The following SDK1 variants were observed in gnomAD, a reference collection of about 807,000 sequenced individuals.
SDK1 encodes protein sidekick-1.
In SDK1, 157 loss-of-function variants were observed where a neutral mutation model predicts 245.5. The ratio of observed to expected loss-of-function variants is 0.64; its 90% CI spans 0.56 to 0.73. SDK1 has a LOEUF of 0.73. Among genes scored for constraint, SDK1 ranks in the 30% least tolerant of loss-of-function variants. The pLI, the probability that SDK1 is intolerant of heterozygous loss-of-function variation, is 0.00. For synonymous variants in SDK1, 1,647 were observed against 1,278.5 expected (o/e 1.29, Z -6.15); for missense variants, 3,583 against 3,002.3 (o/e 1.19, Z -4.52).
At chr7:4,194,094 CAGA>C (rs1783400916) in intron 35 of SDK1, among the ~76,000 whole-genome samples, 1 of 152,112 alleles carries the variant, frequency 6.6e-6, no homozygotes, top group Admixed American at 6.5e-5. Context: ...GCAAAACCAA[CAGA>C]AGAACTCCAT....
chr7:3,652,943 A>G (rs909743621), intron 4 of SDK1, among the ~76,000 whole-genome samples: 3 of 152,206 alleles, frequency 2.0e-5, no homozygotes, highest in Admixed American at 6.5e-5. Flanking sequence ...GCAGGAGTCT[A>G]TTGACTGGAA....
At chr7:3,307,772 T>G (rs565558089) in intron 1 of SDK1, among the ~76,000 whole-genome samples, 6 of 152,310 alleles carry the variant, frequency 3.9e-5, no homozygotes, top group African/African-American at 1.2e-4. Flanking sequence ...CTGTAACTAC[T>G]GTGCAATATG....
chr7:4,085,768 T>A (rs1781387118), intron 22 of SDK1, among the ~76,000 whole-genome samples: 1 of 152,146 alleles, frequency 6.6e-6, no homozygotes, highest in Non-Finnish European at 1.5e-5. Flanking sequence ...TTGGCCAGGC[T>A]GGTCTTGAAC....
intron 8 of SDK1, among the ~76,000 whole-genome samples, chr7:3,961,483 G>A (rs532138293): frequency 6.6e-6 from 1 of 152,322 alleles, no homozygotes; most frequent in African/African-American, 2.4e-5. Flanking sequence ...GTCAAGATAT[G>A]TTTTTTATTT....
chr7:3,801,073 A>G (rs1183637899), intron 4 of SDK1, among the ~76,000 whole-genome samples: 2 of 152,208 alleles, frequency 1.3e-5, no homozygotes, highest in African/African-American at 4.8e-5. Flanking sequence ...TATATTCCAA[A>G]GCACAGTTAA....
At chr7:4,106,892 C>G (rs1782960405) in intron 22 of SDK1, among the ~76,000 whole-genome samples, 1 of 151,766 alleles carries the variant, frequency 6.6e-6, no homozygotes, top group African/African-American at 2.4e-5. Context: ...CCTGAGTGCC[C>G]AGTGCCTGAA....
intron 17 of SDK1, among the ~76,000 whole-genome samples, chr7:4,019,413 G>A (rs1338765324): frequency 6.6e-6 from 1 of 152,192 alleles, no homozygotes; most frequent in Non-Finnish European, 1.5e-5. Flanking sequence ...GCGAGGGACT[G>A]TGCTTAGCTA....
At chr7:3,879,659 T>G (rs1781159207) in intron 5 of SDK1, among the ~76,000 whole-genome samples, 1 of 152,220 alleles carries the variant, frequency 6.6e-6, no homozygotes, top group South Asian at 2.1e-4. Context: ...TGTTGTTCAG[T>G]CAATAGCTTT....
chr7:3,569,798 C>G (rs1780050368), intron 1 of SDK1, among the ~76,000 whole-genome samples: 1 of 152,170 alleles, frequency 6.6e-6, no homozygotes, highest in South Asian at 2.1e-4. Flanking sequence ...CTTTTGTTAA[C>G]TTTCGGAGGA....
intron 5 of SDK1, among the ~76,000 whole-genome samples, chr7:3,940,220 G>A (rs916403416): frequency 1.3e-5 from 2 of 152,222 alleles, no homozygotes; most frequent in Non-Finnish European, 2.9e-5. Context: ...CCTGGCTGCA[G>A]AAACTGACCT....
chr7:3,427,470 G>C (rs1012501638), intron 1 of SDK1, among the ~76,000 whole-genome samples: 3 of 148,194 alleles, frequency 2.0e-5, no homozygotes, highest in African/African-American at 7.5e-5. Flanking sequence ...AGTGAGCTGA[G>C]ATTGTGCCAT....
intron 1 of SDK1, among the ~76,000 whole-genome samples, chr7:3,498,625 T>A (rs1371199839): frequency 6.6e-6 from 1 of 152,230 alleles, no homozygotes; most frequent in Non-Finnish European, 1.5e-5. Context: ...CTTCCTCTTG[T>A]TTTCCTCCAA....
At chr7:3,885,916 C>T (rs909490095) in intron 5 of SDK1, among the ~76,000 whole-genome samples, 2 of 152,160 alleles carry the variant, frequency 1.3e-5, no homozygotes, top group African/African-American at 4.8e-5. Flanking sequence ...TGCGAATTCT[C>T]CCACTTACTC....
chr7:3,863,677 A>G (rs1240507007), intron 5 of SDK1, among the ~76,000 whole-genome samples: 1 of 152,232 alleles, frequency 6.6e-6, no homozygotes, highest in Non-Finnish European at 1.5e-5. Flanking sequence ...TAGAAGCAGA[A>G]TGATACAGTA....
Position 3,345,066 on chromosome 7 carries a change from T to C in SDK1, c.298+43182T>C, listed in dbSNP as rs966643516. ...CATATTGCAAGAAGTTAAGCGTTTA[T>C]AGAAGTCTTTGAAGTCTTGTTGTAG... On this transcript the variant is annotated intron_variant, in intron 1 of 44. Transcript: ENST00000404826. Among the ~76,000 whole-genome samples, 4 of 152,230 alleles carry C rather than the reference T, an allele frequency of 2.6e-5. No individual in the cohort carries two copies. In the East Asian group the frequency reaches 5.8e-4, roughly 22 times the overall value.
At chr7:3,889,317 G>T (rs1781403916) in intron 5 of SDK1, among the ~76,000 whole-genome samples, 1 of 152,226 alleles carries the variant, frequency 6.6e-6, no homozygotes, top group African/African-American at 2.4e-5. Flanking sequence ...CATTCTCCCT[G>T]TCCTGGCCCC....
chr7:4,130,140 A>G, intron 27 of SDK1, 43 bp downstream of exon 27: 1 of 1,515,828 alleles, frequency 6.6e-7, no homozygotes, highest in Non-Finnish European at 8.9e-7. Context: ...GCTGCCTCCC[A>G]GGTTGGCCTT....
intron 1 of SDK1, among the ~76,000 whole-genome samples, chr7:3,363,931 T>A (rs1030161479): frequency 2.0e-5 from 3 of 152,250 alleles, no homozygotes; most frequent in African/African-American, 7.2e-5. Context: ...AATGTGTGAA[T>A]GTGATCCAGT....
intron 1 of SDK1, among the ~76,000 whole-genome samples, chr7:3,442,100 T>C (rs1433252423): frequency 6.6e-6 from 1 of 152,140 alleles, no homozygotes; most frequent in East Asian, 1.9e-4. Context: ...GAGATTATGA[T>C]AGATTTAAGC....
Sources: allele counts gnomAD v4.1 joint callset (sites outside exome capture counted in the v4.1 genomes callset), GRCh38; gene constraint gnomAD v4.1.1; transcripts MANE v1.5; gene names NCBI Gene and HGNC (gene_info 2026-07-23, HGNC 2026-07-21).